ZDHHC14: variants seen among roughly 807,000 people sequenced by gnomAD.
ZDHHC14 encodes palmitoyltransferase ZDHHC14.
Under a neutral mutation model 47.7 loss-of-function variants are expected in ZDHHC14, and 16 were observed. The observed-to-expected ratio is 0.34, with a 90% CI of 0.23 to 0.51. The LOEUF is 0.51. Ranked by LOEUF, ZDHHC14 falls within the 20% of genes least tolerant of loss-of-function variation. The pLI, the probability that ZDHHC14 is intolerant of heterozygous loss-of-function variation, is 0.97. For synonymous variants in ZDHHC14, 293 were observed against 278.9 expected, an observed-to-expected ratio of 1.05 and a Z score of -0.50; for missense variants, 515 against 662.5, an observed-to-expected ratio of 0.78 and a Z score of 2.44.
chr6:157,547,826 A>T (rs1429280475), intron 2 of ZDHHC14, among the ~76,000 whole-genome samples: 1 of 150,196 alleles, frequency 6.7e-6, no homozygotes, highest in Non-Finnish European at 1.5e-5. Context: ...ATTTCTACTA[A>T]GAAAAATTTT....
chr6:157,561,548 G>A (rs995342597), intron 2 of ZDHHC14, among the ~76,000 whole-genome samples: 1 of 152,118 alleles, frequency 6.6e-6, no homozygotes, highest in Non-Finnish European at 1.5e-5. Flanking sequence ...TACACATGGG[G>A]GACAAAAATG....
At chr6:157,627,103 C>T (rs1036921636) in intron 3 of ZDHHC14, among the ~76,000 whole-genome samples, 2 of 152,134 alleles carry the variant, frequency 1.3e-5, no homozygotes, top group Non-Finnish European at 2.9e-5. Flanking sequence ...CTTGCACTTC[C>T]TCTGCCGCCA....
rs566774362 is a variant in ZDHHC14, at chr6:157,406,540, C to T, written c.245+24274C>T. On this transcript the variant is annotated intron_variant, in intron 1 of 8. Coordinates refer to ENST00000359775, the MANE Select transcript of ZDHHC14 (RefSeq NM_024630.3). Reference sequence around the variant, plus strand: ...TCTGGTTAAGCCAGGGGTTCCCCAGCAGGGTTCTGACTGCTCCATTGCTAA... The same window carrying T: ...TCTGGTTAAGCCAGGGGTTCCCCAGTAGGGTTCTGACTGCTCCATTGCTAA... Among the ~76,000 whole-genome samples, 3 of 152,330 alleles carry T rather than the reference C, an allele frequency of 2.0e-5. No homozygotes were observed. In the East Asian group the frequency reaches 5.8e-4, roughly 29 times the overall value.
At chr6:157,659,030 C>T (rs900864265) in intron 8 of ZDHHC14, among the ~76,000 whole-genome samples, 4 of 152,106 alleles carry the variant, frequency 2.6e-5, no homozygotes, top group Non-Finnish European at 5.9e-5. Flanking sequence ...TTGGGTCAGT[C>T]TCAGTGGTAT....
chr6:157,453,788 T>TTTTTTTTTGTGTGTGTGTGTGTGTGTG (rs3220439), intron 1 of ZDHHC14, among the ~76,000 whole-genome samples: 2 of 148,098 alleles, frequency 1.4e-5, no homozygotes, highest in African/African-American at 5.1e-5. Context: ...TTTTTGTGTT[T>TTTTTTTTTGTGTGTGTGTGTGTGTGTG]TGTGTGTGTG....
chr6:157,436,256 A>G (rs1387152986), intron 1 of ZDHHC14, among the ~76,000 whole-genome samples: 1 of 151,284 alleles, frequency 6.6e-6, no homozygotes, highest in Non-Finnish European at 1.5e-5. Flanking sequence ...AATGGAGATA[A>G]TGAAGGTGCA....
chr6:157,645,678 C>T, intron 5 of ZDHHC14, 59 bp from the exon 6 acceptor site: 1 of 1,415,036 alleles, frequency 7.1e-7, no homozygotes, highest in Non-Finnish European at 9.9e-7. Context: ...TCCAGGCCTC[C>T]ATCACATCCA....
intron 3 of ZDHHC14, among the ~76,000 whole-genome samples, chr6:157,618,262 G>A (rs371889058): frequency 1.3e-5 from 2 of 152,040 alleles, no homozygotes; most frequent in African/African-American, 4.8e-5. Flanking sequence ...GGTGGAGAAT[G>A]ACCGAAGACC....
chr6:157,673,055 G>A lies in ZDHHC14; in HGVS notation c.1400G>A (p.Gly467Asp). 1.3e-6 allele frequency: 2 copies of A among 1,566,766 alleles called. No homozygotes were observed. The highest frequency in any genetic ancestry group is 1.7e-6 in the Non-Finnish European group (2 of 1,163,932). Reference protein sequence around the residue: ...LAHSRTMHVLGLASQDSLHED... With the variant: ...LAHSRTMHVLDLASQDSLHED... ...CACAGCCGCACCATGCACGTGCTGG[G>A]CCTGGCCAGCCAGGACTCCCTGCAT... Residue 467 changes from glycine (G) to aspartate (D), a missense_variant, in exon 9 of 9, where the codon GGC becomes GAC. Physicochemically the swap from Gly to Asp is moderately conservative, Grantham distance 94. Transcript: ENST00000359775. This position sits in a 1 kb window ranked among gnomAD's most constrained non-coding sequence, Gnocchi z 5.4.
chr6:157,516,802 C>T (rs1226925058), intron 1 of ZDHHC14, among the ~76,000 whole-genome samples: 1 of 152,170 alleles, frequency 6.6e-6, no homozygotes, highest in East Asian at 1.9e-4. Flanking sequence ...GGACATACTG[C>T]AACGCATTAA....
At chr6:157,485,462 C>T (rs368944058) in intron 1 of ZDHHC14, among the ~76,000 whole-genome samples, 17 of 152,126 alleles carry the variant, frequency 1.1e-4, no homozygotes, top group Admixed American at 4.6e-4. Flanking sequence ...TTAGCCCAAA[C>T]GTGATTTCTT....
At chr6:157,526,314 T>A (rs546682887) in intron 1 of ZDHHC14, among the ~76,000 whole-genome samples, 1 of 152,216 alleles carries the variant, frequency 6.6e-6, no homozygotes, top group Admixed American at 6.5e-5. Flanking sequence ...AGACTCAGAA[T>A]AAGGGACTTT....
At chr6:157,509,758 AT>A (rs1780415744) in intron 1 of ZDHHC14, among the ~76,000 whole-genome samples, 1 of 152,160 alleles carries the variant, frequency 6.6e-6, no homozygotes, top group Admixed American at 6.5e-5. Context: ...CATTCATAGG[AT>A]TGGTTCATAA....
intron 1 of ZDHHC14, among the ~76,000 whole-genome samples, chr6:157,447,587 G>A (rs1778707623): frequency 1.3e-5 from 2 of 152,128 alleles, no homozygotes; most frequent in South Asian, 2.1e-4. Context: ...CAGAGGCAGG[G>A]GTGGAAAAGA....
intron 1 of ZDHHC14, among the ~76,000 whole-genome samples, chr6:157,401,129 G>A (rs147067764): frequency 6.6e-6 from 1 of 152,118 alleles, no homozygotes; most frequent in Admixed American, 6.5e-5. Flanking sequence ...TTATTTATCA[G>A]ATGCCAAAGC....
At chr6:157,474,451 A>G (rs1175621182) in intron 1 of ZDHHC14, among the ~76,000 whole-genome samples, 2 of 152,216 alleles carry the variant, frequency 1.3e-5, no homozygotes, top group African/African-American at 2.4e-5. Flanking sequence ...TTGCTGGATC[A>G]TATGGTAGTT....
In ZDHHC14 at chr6:157,547,414, A is replaced by G. The variant is rs372316894; in HGVS notation, c.406+4669A>G. Reference sequence around the variant, plus strand: ...ACTTCCTGACCCTAGGAAAGCCTGGATTTGTCAGGGACACAGTTCCACCCC... The same window carrying G: ...ACTTCCTGACCCTAGGAAAGCCTGGGTTTGTCAGGGACACAGTTCCACCCC... On this transcript the variant is annotated intron_variant, in intron 2 of 8. Coordinates refer to ENST00000359775, the MANE Select transcript of ZDHHC14 (RefSeq NM_024630.3). 1.4e-4 allele frequency among the ~76,000 whole-genome samples: 22 copies of G among 152,104 alleles called. No homozygotes were observed. The South Asian group carries it at 4.4e-3, about 30-fold the overall frequency.
intron 1 of ZDHHC14, among the ~76,000 whole-genome samples, chr6:157,402,610 A>AT (rs1247984437): frequency 1.3e-5 from 2 of 152,190 alleles, no homozygotes; most frequent in Non-Finnish European, 2.9e-5. Flanking sequence ...TCAGTGTGAG[A>AT]TTTTTTGGAC....
chr6:157,556,251 G>T (rs1302802031), intron 2 of ZDHHC14, among the ~76,000 whole-genome samples: 2 of 151,630 alleles, frequency 1.3e-5, no homozygotes, highest in African/African-American at 4.8e-5. Context: ...GAGGACAGGG[G>T]TGGGGGGTGG....
Sources: allele counts gnomAD v4.1 joint callset (sites outside exome capture counted in the v4.1 genomes callset), GRCh38; gene constraint gnomAD v4.1.1; non-coding constraint Gnocchi (gnomAD v3.1); transcripts MANE v1.5; gene names NCBI Gene and HGNC (gene_info 2026-07-23, HGNC 2026-07-21).